The following GIPC2 variants were observed in gnomAD, a reference collection of about 807,000 sequenced individuals.
The protein encoded by GIPC2 is GIPC PDZ domain containing family member 2, also known as PDZ domain-containing protein GIPC2.
GIPC2 carries 30 observed loss-of-function variants against 30.6 expected under a neutral mutation model. That is an observed-to-expected ratio of 0.98 (90% CI 0.73 to 1.33). The LOEUF (loss-of-function observed/expected upper bound fraction) is 1.33, where lower values mean the gene tolerates loss of function less well. GIPC2 is among the 40% of genes most tolerant of loss of function. GIPC2 has a pLI of 0.00. For synonymous variants in GIPC2, 167 were observed against 150.0 expected, an observed-to-expected ratio of 1.11 and a Z score of -0.83; for missense variants, 414 against 390.3, an observed-to-expected ratio of 1.06 and a Z score of -0.51.
chr1:78,074,008 C>T (rs1161441159), intron 1 of GIPC2, among the ~76,000 whole-genome samples: 5 of 152,084 alleles, frequency 3.3e-5, no homozygotes, highest in African/African-American at 9.7e-5. Context: ...AAACTGTCTG[C>T]AAGTTATTCT....
intron 5 of GIPC2, among the ~76,000 whole-genome samples, chr1:78,133,085 GCTAA>G (rs1013250001): frequency 2.6e-5 from 4 of 152,162 alleles, no homozygotes. Context: ...CCCAGTGCAT[GCTAA>G]CTGTGCCTGT....
intron 1 of GIPC2, among the ~76,000 whole-genome samples, chr1:78,060,222 GA>G (rs1288645470): frequency 2.7e-5 from 4 of 150,310 alleles, no homozygotes; most frequent in Admixed American, 2.7e-4. Flanking sequence ...ATCACTTACT[GA>G]AGCCTCAACC....
chr1:78,073,107 C>G (rs1372235904), intron 1 of GIPC2, among the ~76,000 whole-genome samples: 1 of 150,642 alleles, frequency 6.6e-6, no homozygotes, highest in Non-Finnish European at 1.5e-5. Context: ...CCATGCCCGG[C>G]CTTTTTTTTT....
At chr1:78,091,943 G>C in intron 2 of GIPC2, 1 of 954,500 alleles carries the variant, frequency 1.0e-6, no homozygotes, top group Non-Finnish European at 1.7e-6. Flanking sequence ...TCCTGTTCTT[G>C]GTCATTTTTG....
intron 1 of GIPC2, among the ~76,000 whole-genome samples, chr1:78,052,062 T>C (rs2102634499): frequency 6.6e-6 from 1 of 152,328 alleles, no homozygotes; most frequent in South Asian, 2.1e-4. Flanking sequence ...TTCAGAATCG[T>C]TGTTCCTTCT....
intron 3 of GIPC2, among the ~76,000 whole-genome samples, chr1:78,098,909 T>C (rs1339718518): frequency 6.6e-6 from 1 of 152,186 alleles, no homozygotes; most frequent in Non-Finnish European, 1.5e-5. Flanking sequence ...CCTGAACTTC[T>C]GGCCTCTAGA....
intron 3 of GIPC2, among the ~76,000 whole-genome samples, chr1:78,108,008 C>T (rs1021748757): frequency 2.0e-5 from 3 of 151,946 alleles, no homozygotes; most frequent in African/African-American, 7.3e-5. Flanking sequence ...TTTACATTTG[C>T]AGGATCTGTT....
intron 1 of GIPC2, chr1:78,068,928 G>A: frequency 4.9e-6 from 1 of 203,834 alleles, no homozygotes; most frequent in Non-Finnish European, 8.7e-6. Flanking sequence ...TGAGGATGGA[G>A]TCCTGTGGTA....
At chr1:78,060,700 G>A (rs1482901304) in intron 1 of GIPC2, among the ~76,000 whole-genome samples, 1 of 152,076 alleles carries the variant, frequency 6.6e-6, no homozygotes, top group Non-Finnish European at 1.5e-5. Context: ...GAAAAAGTAA[G>A]GTATATAAAT....
At chr1:78,125,772 T>A in intron 4 of GIPC2, 109 bp from the exon 5 acceptor site, 1 of 637,042 alleles carries the variant, frequency 1.6e-6, no homozygotes, top group Non-Finnish European at 2.9e-6. Context: ...TAAAATTAGC[T>A]GAAATACACA....
chr1:78,060,146 C>T (rs939922474), intron 1 of GIPC2, among the ~76,000 whole-genome samples: 10 of 151,330 alleles, frequency 6.6e-5, no homozygotes, highest in Middle Eastern at 6.9e-3. Context: ...GTAATCAATT[C>T]GTAAGATCTA....
intron 3 of GIPC2, among the ~76,000 whole-genome samples, chr1:78,118,515 A>G (rs191894006): frequency 4.5e-4 from 68 of 151,992 alleles, no homozygotes; most frequent in Non-Finnish European, 8.5e-4. Context: ...TTTGGTGGTG[A>G]CGCTTAGTTT....
chr1:78,132,663 G>T (rs1287595340), intron 5 of GIPC2, among the ~76,000 whole-genome samples: 1 of 129,900 alleles, frequency 7.7e-6, no homozygotes, highest in Non-Finnish European at 1.6e-5. Flanking sequence ...TTATAGCCAA[G>T]GATGTGTGTG....
At chr1:78,054,119 C>T (rs1003110855) in intron 1 of GIPC2, among the ~76,000 whole-genome samples, 2 of 152,118 alleles carry the variant, frequency 1.3e-5, no homozygotes. Flanking sequence ...TCATGCTGTT[C>T]TTTGTTCCAG....
At chr1:78,107,638 A>G (rs1490709618) in intron 3 of GIPC2, among the ~76,000 whole-genome samples, 1 of 151,816 alleles carries the variant, frequency 6.6e-6, no homozygotes, top group African/African-American at 2.4e-5. Flanking sequence ...CAGCCTGGCT[A>G]ACAGGGTGAA....
At chr1:78,047,613 A>G (rs1661119660) in intron 1 of GIPC2, among the ~76,000 whole-genome samples, 1 of 152,068 alleles carries the variant, frequency 6.6e-6, no homozygotes, top group Admixed American at 6.6e-5. Context: ...TAACTTGGAC[A>G]TGGAGCCAGG....
At chr1:78,057,201 C>A (rs1399846637) in intron 1 of GIPC2, among the ~76,000 whole-genome samples, 1 of 152,172 alleles carries the variant, frequency 6.6e-6, no homozygotes, top group Non-Finnish European at 1.5e-5. Context: ...GGAATAGACT[C>A]CATCCCATTT....
intron 2 of GIPC2, among the ~76,000 whole-genome samples, chr1:78,088,596 A>C (rs643512): frequency 0.22 from 34,086 of 152,120 alleles, 4,141 homozygotes; most frequent in East Asian, 0.49. Context: ...ACTGGGGTCT[A>C]CTTGACCCCA....
chr1:78,076,036 G>A (rs1386925925), intron 1 of GIPC2, among the ~76,000 whole-genome samples: 2 of 152,176 alleles, frequency 1.3e-5, no homozygotes, highest in Non-Finnish European at 2.9e-5. Flanking sequence ...AGAAGTGAGG[G>A]ACACAGAACC....
Sources: gnomAD v4.1 joint callset for allele counts (sites outside exome capture counted in the v4.1 genomes callset) on GRCh38, gnomAD v4.1.1 for gene constraint, MANE v1.5 for transcripts, NCBI Gene and HGNC (gene_info 2026-07-23, HGNC 2026-07-21) for gene names.